The following SDK1 variants were observed in gnomAD, a reference collection of about 807,000 sequenced individuals.
The protein encoded by SDK1 is protein sidekick-1.
A neutral mutation model predicts 245.5 loss-of-function variants in SDK1; 157 were observed. The ratio of observed to expected loss-of-function variants is 0.64; its 90% CI spans 0.56 to 0.73. SDK1 has a LOEUF of 0.73. SDK1 is among the 30% of genes least tolerant of loss of function. The probability of loss-of-function intolerance (pLI) is 0.00; values close to 1 mark genes in which losing one functional copy is unlikely to be tolerated. For missense variants in SDK1, 3,583 were observed against 3,002.3 expected (o/e 1.19, Z -4.52); for synonymous variants, 1,647 against 1,278.5 (o/e 1.29, Z -6.15).
Position 3,830,294 on chromosome 7 carries a change from T to G in SDK1, c.847+8711T>G, listed in dbSNP as rs73672197. ...GCTGCGATTATTGAAAGATACAAAT[T>G]ATTCAGTAGTGATTTGCCTAATCGG... On this transcript the variant is annotated intron_variant, in intron 5 of 44. Transcript: ENST00000404826. 6.5e-3 allele frequency among the ~76,000 whole-genome samples: 991 copies of G among 152,268 alleles called. 10 individuals carry two copies. Among genetic ancestry groups the G allele is most frequent in the African/African-American group, 0.022 (913 of 41,546 alleles).
At chr7:4,046,258 G>A (rs6945504) in intron 17 of SDK1, among the ~76,000 whole-genome samples, 5 of 152,054 alleles carry the variant, frequency 3.3e-5, no homozygotes, top group East Asian at 1.9e-4. Flanking sequence ...CTGGATAAAC[G>A]TTCTTTATTG....
intron 4 of SDK1, among the ~76,000 whole-genome samples, chr7:3,677,787 G>A (rs562176535): frequency 3.3e-5 from 5 of 152,314 alleles, no homozygotes; most frequent in African/African-American, 1.2e-4. Flanking sequence ...GGTATTAGTG[G>A]AGGGATAGAC....
intron 22 of SDK1, among the ~76,000 whole-genome samples, chr7:4,092,361 C>T (rs1002622129): frequency 7.2e-5 from 11 of 152,204 alleles, no homozygotes; most frequent in Non-Finnish European, 1.5e-4. Context: ...TCCCCAGCCA[C>T]TTCTCTGAGA....
chr7:3,896,507 T>A (rs1213883806), intron 5 of SDK1, among the ~76,000 whole-genome samples: 1 of 152,220 alleles, frequency 6.6e-6, no homozygotes, highest in Non-Finnish European at 1.5e-5. Flanking sequence ...GGCATTTTTC[T>A]CCACTAGCTT....
intron 4 of SDK1, among the ~76,000 whole-genome samples, chr7:3,737,736 C>T (rs149725910): frequency 6.6e-6 from 1 of 152,194 alleles, no homozygotes; most frequent in East Asian, 1.9e-4. Flanking sequence ...TCCTGTGAGA[C>T]AAGACAGAAG....
chr7:4,229,457 G>A (rs139718480), intron 40 of SDK1, among the ~76,000 whole-genome samples: 11 of 152,230 alleles, frequency 7.2e-5, no homozygotes, highest in East Asian at 3.9e-4. Context: ...ATCGTTCTGC[G>A]TTAAGATTCT....
intron 1 of SDK1, among the ~76,000 whole-genome samples, chr7:3,312,569 G>A (rs1562406357): frequency 6.6e-6 from 1 of 150,966 alleles, no homozygotes; most frequent in Non-Finnish European, 1.5e-5. Context: ...GTCATTAAGT[G>A]TTTTTTTTTA....
intron 1 of SDK1, among the ~76,000 whole-genome samples, chr7:3,493,547 CA>C (rs1375378018): frequency 1.3e-5 from 2 of 152,142 alleles, no homozygotes; most frequent in African/African-American, 4.8e-5. Context: ...ACTGATAAAA[CA>C]GTCAGTAGTA....
intron 1 of SDK1, among the ~76,000 whole-genome samples, chr7:3,416,085 C>A (rs1779358163): frequency 6.6e-6 from 1 of 152,176 alleles, no homozygotes; most frequent in East Asian, 1.9e-4. Context: ...AAAGTCATTG[C>A]TGTCTCCTTT....
chr7:4,186,152 T>A (rs1053467333), intron 35 of SDK1, among the ~76,000 whole-genome samples: 28 of 152,218 alleles, frequency 1.8e-4, no homozygotes, highest in African/African-American at 6.8e-4. Flanking sequence ...CAAACAAAGC[T>A]TGTGGTTTTC....
chr7:3,973,977 T>C (rs957869183), intron 12 of SDK1, among the ~76,000 whole-genome samples: 1 of 150,028 alleles, frequency 6.7e-6, no homozygotes, highest in Non-Finnish European at 1.5e-5. Flanking sequence ...AGGCTAGGAG[T>C]TTGAGACTAG....
intron 1 of SDK1, among the ~76,000 whole-genome samples, chr7:3,403,865 ATATAAT>A (rs1232852782): frequency 3.3e-4 from 34 of 102,346 alleles, no homozygotes; most frequent in Non-Finnish European, 5.8e-4. Flanking sequence ...ATATATATAT[ATATAAT>A]ATATATATTT....
intron 40 of SDK1, among the ~76,000 whole-genome samples, chr7:4,231,162 A>T (rs1785735571): frequency 1.3e-5 from 2 of 152,342 alleles, no homozygotes; most frequent in Admixed American, 1.3e-4. Context: ...TCTGTGTGTG[A>T]ACCTCAGCAT....
intron 29 of SDK1, among the ~76,000 whole-genome samples, chr7:4,147,660 C>T (rs532366448): frequency 9.9e-5 from 15 of 152,182 alleles, no homozygotes; most frequent in Non-Finnish European, 1.9e-4. Context: ...AGCCCTCAGT[C>T]GCCACAGACA....
chr7:3,678,785 G>C (rs7810971), intron 4 of SDK1, among the ~76,000 whole-genome samples: 11 of 151,992 alleles, frequency 7.2e-5, no homozygotes, highest in Non-Finnish European at 1.6e-4. Flanking sequence ...ATAGATTTCA[G>C]GCATATTTTA....
At chr7:3,730,357 G>A (rs1167277075) in intron 4 of SDK1, among the ~76,000 whole-genome samples, 1 of 152,244 alleles carries the variant, frequency 6.6e-6, no homozygotes, top group Non-Finnish European at 1.5e-5. Flanking sequence ...CAGCCCTGGT[G>A]AGAGTAGGAG....
At chr7:3,831,296 T>A (rs909577163) in intron 5 of SDK1, among the ~76,000 whole-genome samples, 1 of 152,228 alleles carries the variant, frequency 6.6e-6, no homozygotes, top group African/African-American at 2.4e-5. Context: ...GTGAATTTCC[T>A]GGGGTTCAGC....
intron 4 of SDK1, among the ~76,000 whole-genome samples, chr7:3,666,083 A>G (rs1783523834): frequency 6.6e-6 from 1 of 152,128 alleles, no homozygotes; most frequent in Non-Finnish European, 1.5e-5. Context: ...CTGATCTCCA[A>G]GTATCCAGCT....
chr7:3,457,909 T>G (rs1780720193), intron 1 of SDK1, among the ~76,000 whole-genome samples: 1 of 152,244 alleles, frequency 6.6e-6, no homozygotes, highest in Non-Finnish European at 1.5e-5. Flanking sequence ...GAAGTAAATG[T>G]TTAGACACTT....
Sources: gnomAD v4.1 joint callset for allele counts (sites outside exome capture counted in the v4.1 genomes callset) on GRCh38, gnomAD v4.1.1 for gene constraint, MANE v1.5 for transcripts, NCBI Gene and HGNC (gene_info 2026-07-23, HGNC 2026-07-21) for gene names.